The following ZNF385D variants were observed in gnomAD, a reference collection of about 807,000 sequenced individuals.
ZNF385D encodes the protein zinc finger protein 385D.
A neutral mutation model predicts 35.8 loss-of-function variants in ZNF385D; 15 were observed. The observed-to-expected ratio is 0.42, with a 90% CI of 0.28 to 0.64. The LOEUF (loss-of-function observed/expected upper bound fraction) is 0.64, where lower values mean the gene tolerates loss of function less well. Among genes scored for constraint, ZNF385D ranks in the 30% least tolerant of loss-of-function variants. The pLI, the probability that ZNF385D is intolerant of heterozygous loss-of-function variation, is 0.23. For missense variants in ZNF385D, 474 were observed against 494.6 expected, an observed-to-expected ratio of 0.96 and a Z score of 0.39; for synonymous variants, 212 against 186.8, an observed-to-expected ratio of 1.13 and a Z score of -1.10.
intron 2 of ZNF385D, among the ~76,000 whole-genome samples, chr3:21,608,083 C>T (rs2064550294): frequency 1.4e-5 from 2 of 142,116 alleles, no homozygotes; most frequent in South Asian, 4.6e-4. Context: ...GATCTCAGCT[C>T]ACTGTAACCT....
chr3:22,177,432 T>G (rs531090009), intron 2 of ZNF385D, among the ~76,000 whole-genome samples: 1 of 152,248 alleles, frequency 6.6e-6, no homozygotes, highest in East Asian at 1.9e-4. Flanking sequence ...TACAAGTTAT[T>G]AAAAAGTCAT....
intron 3 of ZNF385D, among the ~76,000 whole-genome samples, chr3:21,920,211 A>G (rs1700385469): frequency 1.3e-5 from 2 of 152,192 alleles, no homozygotes; most frequent in Admixed American, 1.3e-4. Context: ...CCCCTGATTT[A>G]TGGGACTCTG....
chr3:22,186,244 A>T (rs115469010), intron 2 of ZNF385D, among the ~76,000 whole-genome samples: 1 of 152,164 alleles, frequency 6.6e-6, no homozygotes, highest in African/African-American at 2.4e-5. Context: ...CAGAAAAAAA[A>T]TCTTCAAAGT....
intron 1 of ZNF385D, among the ~76,000 whole-genome samples, chr3:21,693,254 A>C (rs1262604460): frequency 2.0e-5 from 3 of 152,162 alleles, no homozygotes; most frequent in African/African-American, 7.2e-5. Flanking sequence ...CTGGTGGACA[A>C]ATGCTTCCTT....
intron 3 of ZNF385D, among the ~76,000 whole-genome samples, chr3:21,896,464 T>A (rs1699143091): frequency 6.6e-6 from 1 of 152,186 alleles, no homozygotes. Context: ...TACAATCAGA[T>A]ATACCTATGG....
At chr3:21,561,755 C>CTTAT (rs1242031573) in intron 3 of ZNF385D, among the ~76,000 whole-genome samples, 1 of 152,160 alleles carries the variant, frequency 6.6e-6, no homozygotes, top group Non-Finnish European at 1.5e-5. Flanking sequence ...AATTTACCAT[C>CTTAT]TTACATGGGT....
chr3:21,998,303 C>T (rs894122702), intron 3 of ZNF385D, among the ~76,000 whole-genome samples: 1 of 152,170 alleles, frequency 6.6e-6, no homozygotes, highest in Admixed American at 6.5e-5. Flanking sequence ...TTGCTGTGCA[C>T]CGGTGCTCTA....
chr3:21,942,169 A>T (rs1012766784), intron 3 of ZNF385D, among the ~76,000 whole-genome samples: 6 of 152,240 alleles, frequency 3.9e-5, no homozygotes, highest in African/African-American at 1.4e-4. Flanking sequence ...CGTAATTTTT[A>T]AAATTTCTGA....
intron 1 of ZNF385D, among the ~76,000 whole-genome samples, chr3:21,666,443 A>G (rs7624226): frequency 0.03 from 4,501 of 152,328 alleles, 213 homozygotes; most frequent in African/African-American, 0.1. Flanking sequence ...TCTTGAAATA[A>G]TAATAGCACG....
At chr3:21,506,809 C>T (rs986851450) in intron 4 of ZNF385D, among the ~76,000 whole-genome samples, 1 of 152,104 alleles carries the variant, frequency 6.6e-6, no homozygotes, top group Non-Finnish European at 1.5e-5. Flanking sequence ...ACCTAACACT[C>T]TTCATTAGAT....
chr3:22,195,997 G>A (rs1576478677), intron 2 of ZNF385D, among the ~76,000 whole-genome samples: 1 of 151,978 alleles, frequency 6.6e-6, no homozygotes. Context: ...ACATAGAGGA[G>A]AACAATACAC....
intron 3 of ZNF385D, among the ~76,000 whole-genome samples, chr3:22,099,243 T>C (rs1452386591): frequency 6.6e-6 from 1 of 152,110 alleles, no homozygotes; most frequent in African/African-American, 2.4e-5. Context: ...GCTACTGTTA[T>C]GGCATATACC....
At chr3:21,922,341 G>A (rs1700509665) in intron 3 of ZNF385D, among the ~76,000 whole-genome samples, 1 of 151,948 alleles carries the variant, frequency 6.6e-6, no homozygotes, top group African/African-American at 2.4e-5. Flanking sequence ...GCACTCATAA[G>A]CAAAAAAGAA....
intron 3 of ZNF385D, among the ~76,000 whole-genome samples, chr3:21,812,680 G>C (rs143095127): frequency 0.077 from 11,734 of 152,258 alleles, 617 homozygotes; most frequent in South Asian, 0.12. Flanking sequence ...GCTTGAGTAA[G>C]TAAACAAAGC....
At chr3:21,582,043 A>G (rs2063683303) in intron 2 of ZNF385D, among the ~76,000 whole-genome samples, 1 of 152,230 alleles carries the variant, frequency 6.6e-6, no homozygotes. Flanking sequence ...AATTTTATAC[A>G]GGGTACAGTA....
At chr3:21,747,016 CT>C (rs2069805028) in intron 1 of ZNF385D, among the ~76,000 whole-genome samples, 3 of 149,128 alleles carry the variant, frequency 2.0e-5, no homozygotes, top group South Asian at 4.3e-4. Flanking sequence ...GGGTTCTGTC[CT>C]AGAATTTTCC....
At chr3:21,947,744 A>G (rs926789597) in intron 3 of ZNF385D, among the ~76,000 whole-genome samples, 18 of 152,024 alleles carry the variant, frequency 1.2e-4, no homozygotes, top group African/African-American at 4.3e-4. Flanking sequence ...TATCATCTGT[A>G]TTTTTGTTGA....
intron 4 of ZNF385D, among the ~76,000 whole-genome samples, chr3:21,480,738 C>T (rs1704570038): frequency 1.3e-5 from 2 of 152,142 alleles, no homozygotes; most frequent in African/African-American, 2.4e-5. Context: ...CATGAATATG[C>T]TCATCTTCCA....
chr3:22,303,717 T>C (rs1559508557), intron 2 of ZNF385D, among the ~76,000 whole-genome samples: 1 of 152,196 alleles, frequency 6.6e-6, no homozygotes, highest in Middle Eastern at 3.2e-3. Flanking sequence ...AAAAATCATA[T>C]GCTCTCAATA....
Sources: gnomAD v4.1 joint callset for allele counts (sites outside exome capture counted in the v4.1 genomes callset) on GRCh38, gnomAD v4.1.1 for gene constraint, MANE v1.5 for transcripts, NCBI Gene and HGNC (gene_info 2026-07-23, HGNC 2026-07-21) for gene names.